The following ATP8A2 variants were observed in gnomAD, a reference collection of about 807,000 sequenced individuals.
The protein encoded by ATP8A2 is phospholipid-transporting ATPase IB.
In ATP8A2, 100 loss-of-function variants were observed where a neutral mutation model predicts 165.6. The ratio of observed to expected loss-of-function variants is 0.60; its 90% confidence interval spans 0.51 to 0.71. The LOEUF (loss-of-function observed/expected upper bound fraction) is 0.71. ATP8A2 is among the 30% of genes least tolerant of loss of function. ATP8A2 has a pLI of 0.00. For synonymous variants in ATP8A2, 543 were observed against 548.8 expected, an observed-to-expected ratio of 0.99 and a Z score of 0.15; for missense variants, 1,227 against 1,479.5, an observed-to-expected ratio of 0.83 and a Z score of 2.80.
intron 1 of ATP8A2, among the ~76,000 whole-genome samples, chr13:25,409,594 G>A (rs1448417471): frequency 6.6e-6 from 1 of 152,178 alleles, no homozygotes; most frequent in Non-Finnish European, 1.5e-5. Flanking sequence ...TTAGTCAAGT[G>A]TGGTACCTCC....
intron 10 of ATP8A2, among the ~76,000 whole-genome samples, chr13:25,548,693 G>C (rs1179334102): frequency 6.6e-6 from 1 of 152,122 alleles, no homozygotes. Context: ...TTAGACTCCT[G>C]AGGATTTTTA....
At chr13:25,954,267 G>A (rs1375019176) in intron 33 of ATP8A2, among the ~76,000 whole-genome samples, 2 of 152,194 alleles carry the variant, frequency 1.3e-5, no homozygotes, top group Non-Finnish European at 2.9e-5. Context: ...GGAGCCCACT[G>A]CAGCTCTGCA....
intron 18 of ATP8A2, chr13:25,571,905 G>T: frequency 1.7e-6 from 1 of 577,148 alleles, no homozygotes; most frequent in African/African-American, 1.8e-5. Context: ...TTTTCCACAT[G>T]TCTTTCATAC....
intron 2 of ATP8A2, among the ~76,000 whole-genome samples, chr13:25,473,114 A>AC (rs2035893327): frequency 6.6e-6 from 1 of 152,014 alleles, no homozygotes; most frequent in East Asian, 1.9e-4. Context: ...TGGCCTCAGC[A>AC]CCCCCAGGGG....
intron 34 of ATP8A2, among the ~76,000 whole-genome samples, chr13:25,961,942 C>G (rs934546077): frequency 2.0e-5 from 3 of 152,122 alleles, no homozygotes; most frequent in African/African-American, 7.2e-5. Flanking sequence ...GAAGATCACT[C>G]GAGCCCAGGT....
At chr13:25,899,930 G>A (rs548117258) in intron 33 of ATP8A2, among the ~76,000 whole-genome samples, 10 of 151,736 alleles carry the variant, frequency 6.6e-5, no homozygotes, top group Non-Finnish European at 1.3e-4. Flanking sequence ...GAGTCCAGCT[G>A]GGTGATGGGG....
rs76622974 is a variant in ATP8A2 at position 25,984,811 on chromosome 13, G to A, written c.3377+16132G>A. Among the ~76,000 whole-genome samples, 371 of 152,180 alleles carry A rather than the reference G, an allele frequency of 2.4e-3. 1 individual carries two copies. The highest frequency in any genetic ancestry group is 8.4e-3 in the African/African-American group (350 of 41,514). On this transcript the variant is annotated intron_variant, in intron 35 of 36. Coordinates refer to ENST00000381655, the MANE Select transcript of ATP8A2 (RefSeq NM_016529.6). ...TGAGTAGAGAATTTATCAAGATCTCGGCAGCATGATCACGCAGAAACAAAC... is the reference window on the plus strand; with the variant it reads ...TGAGTAGAGAATTTATCAAGATCTCAGCAGCATGATCACGCAGAAACAAAC...
intron 27 of ATP8A2, among the ~76,000 whole-genome samples, chr13:25,806,939 C>A (rs1193611729): frequency 6.6e-6 from 1 of 152,076 alleles, no homozygotes; most frequent in African/African-American, 2.4e-5. Flanking sequence ...GGATGTTAAA[C>A]ATCTTTTCAT....
At chr13:25,373,145 A>G (rs1365390446) in intron 1 of ATP8A2, among the ~76,000 whole-genome samples, 1 of 152,214 alleles carries the variant, frequency 6.6e-6, no homozygotes, top group Admixed American at 6.5e-5. Context: ...AGGAGCCCCA[A>G]AAATGATTTC....
At chr13:25,806,864 A>AC (rs1950752016) in intron 27 of ATP8A2, among the ~76,000 whole-genome samples, 2 of 152,066 alleles carry the variant, frequency 1.3e-5, no homozygotes, top group Admixed American at 1.3e-4. Flanking sequence ...TTTTACTATA[A>AC]CCATTCTGAT....
At chr13:25,627,134 C>G (rs192365510) in intron 24 of ATP8A2, among the ~76,000 whole-genome samples, 6 of 152,098 alleles carry the variant, frequency 3.9e-5, no homozygotes, top group African/African-American at 1.4e-4. Context: ...GCCTGAGACT[C>G]CAGGAGAATG....
chr13:25,720,843 A>G (rs920570460), intron 25 of ATP8A2, among the ~76,000 whole-genome samples: 1 of 152,116 alleles, frequency 6.6e-6, no homozygotes, highest in Non-Finnish European at 1.5e-5. Flanking sequence ...TTGTCTTATT[A>G]TAGCCTCATA....
At chr13:25,505,202 C>CT (rs1555284654) in intron 2 of ATP8A2, among the ~76,000 whole-genome samples, 1 of 37,588 alleles carries the variant, frequency 2.7e-5, no homozygotes, top group Non-Finnish European at 5.8e-5. Context: ...TTCGGCGGGG[C>CT]GGGGGGGGGT....
intron 11 of ATP8A2, among the ~76,000 whole-genome samples, chr13:25,553,493 C>T (rs1169744040): frequency 6.6e-6 from 1 of 152,182 alleles, no homozygotes; most frequent in Non-Finnish European, 1.5e-5. Context: ...CTTCTTTTCT[C>T]TGTTCTTCAA....
At position 25,837,147 on chromosome 13, in the gene ATP8A2, A is replaced by G. The variant is rs768965288; in HGVS notation, c.2755-16A>G. ...TCCGAAGGGCTGCTTTTAATGGCTC[A>G]TTGTTCTCCCTGCAGATTTTCACCG... On this transcript the variant is annotated splice_polypyrimidine_tract_variant and intron_variant, in intron 28 of 36. Coordinates refer to ENST00000381655, the MANE Select transcript of ATP8A2 (RefSeq NM_016529.6). 3.1e-6 allele frequency: 5 copies of G among 1,612,524 alleles called. No individual in the cohort carries two copies. Among genetic ancestry groups the G allele is most frequent in the Middle Eastern group, 1.8e-4 (1 of 5,696 alleles).
At chr13:25,632,730 C>G (rs1394802369) in intron 24 of ATP8A2, among the ~76,000 whole-genome samples, 1 of 152,132 alleles carries the variant, frequency 6.6e-6, no homozygotes, top group African/African-American at 2.4e-5. Context: ...GTGGGCCAGT[C>G]CCCTGGGAGT....
chr13:25,823,501 G>C (rs1267105347), intron 27 of ATP8A2, among the ~76,000 whole-genome samples: 1 of 151,926 alleles, frequency 6.6e-6, no homozygotes, highest in Non-Finnish European at 1.5e-5. Context: ...AGCTTTTGAT[G>C]TTTCCTTGGT....
chr13:25,420,779 T>C (rs1362355952), intron 1 of ATP8A2, among the ~76,000 whole-genome samples: 4 of 152,238 alleles, frequency 2.6e-5, no homozygotes, highest in Admixed American at 6.5e-5. Flanking sequence ...GGAATATTGA[T>C]GGTAGGAATC....
At chr13:25,478,153 G>C (rs1371184776) in intron 2 of ATP8A2, among the ~76,000 whole-genome samples, 1 of 151,850 alleles carries the variant, frequency 6.6e-6, no homozygotes, top group Non-Finnish European at 1.5e-5. Flanking sequence ...TGAGTAGATG[G>C]GAAAACCCTT....
Sources: allele counts gnomAD v4.1 joint callset (sites outside exome capture counted in the v4.1 genomes callset), GRCh38; gene constraint gnomAD v4.1.1; transcripts MANE v1.5; gene names NCBI Gene and HGNC (gene_info 2026-07-23, HGNC 2026-07-21).